Variants in PEPD observed in about 807,000 individuals in gnomAD.
PEPD encodes xaa-Pro dipeptidase.
PEPD carries 53 observed loss-of-function variants against 60.7 expected under a neutral mutation model. The observed-to-expected ratio is 0.87, with a 90% CI of 0.70 to 1.10. The LOEUF is 1.10. PEPD is among the 50% of genes least tolerant of loss of function. PEPD has a pLI of 0.00. For synonymous variants in PEPD, 267 were observed against 284.1 expected, an observed-to-expected ratio of 0.94 and a Z score of 0.60; for missense variants, 711 against 711.9, an observed-to-expected ratio of 1.00 and a Z score of 0.01.
Position 33,392,302 on chromosome 19 carries a change from G to A in PEPD, c.968-823C>T, listed in dbSNP as rs116147899. On this transcript the variant is annotated intron_variant, in intron 12 of 14. Transcript: ENST00000244137. The stretch of plus-strand genomic sequence containing the variant: ...TCTGGAGCATGGCCGCTAGGAAGGA[G>A]GCCCTTAGAGAGCTCTCCACGTAGA... Among the ~76,000 whole-genome samples the A allele has an allele frequency of 1.7e-3, 261 of 152,350 alleles. 1 individual carries two copies. Among genetic ancestry groups the A allele is most frequent in the African/African-American group, 6.0e-3 (249 of 41,596 alleles).
At chr19:33,510,952 T>A in intron 3 of PEPD, 76 bp downstream of exon 3, 2 of 1,470,586 alleles carry the variant, frequency 1.4e-6, no homozygotes, top group Non-Finnish European at 9.3e-7. Context: ...CCAACCCAGC[T>A]CTCTCATCCC....
chr19:33,509,457 C>T (rs966646198), intron 3 of PEPD, among the ~76,000 whole-genome samples: 1 of 152,234 alleles, frequency 6.6e-6, no homozygotes, highest in Non-Finnish European at 1.5e-5. Flanking sequence ...AGCCTGAACC[C>T]CTCTCCCTGA....
At position 33,413,651 on chromosome 19, in the gene PEPD, G is replaced by C. The variant is rs1428759678; in HGVS notation, c.672-8C>G. 1 of 1,567,184 alleles carries C rather than the reference G, an allele frequency of 6.4e-7. No individual in the cohort carries two copies. The highest frequency in any genetic ancestry group is 8.7e-7 in the Non-Finnish European group (1 of 1,151,060). On this transcript the variant is annotated splice_polypyrimidine_tract_variant and splice_region_variant and intron_variant, in intron 9 of 14. Coordinates refer to ENST00000244137, the MANE Select transcript of PEPD (RefSeq NM_000285.4). Reference sequence around the variant, plus strand: ...CAGTAGTGCTCGAAGAGGCTGCAGGGGGAGAGACGCGTCAGGGTTGGGGCA... The same window carrying C: ...CAGTAGTGCTCGAAGAGGCTGCAGGCGGAGAGACGCGTCAGGGTTGGGGCA...
chr19:33,501,733 C>T (rs754710771), intron 3 of PEPD, among the ~76,000 whole-genome samples: 4 of 151,958 alleles, frequency 2.6e-5, no homozygotes, highest in Non-Finnish European at 5.9e-5. Flanking sequence ...GACAGCATCT[C>T]GTTCTGTCAC....
At chr19:33,460,379 C>T (rs1488531144) in intron 9 of PEPD, among the ~76,000 whole-genome samples, 1 of 152,170 alleles carries the variant, frequency 6.6e-6, no homozygotes, top group Non-Finnish European at 1.5e-5. Flanking sequence ...TGTCAGCCCA[C>T]CTCCCTGGCT....
chr19:33,492,373 T>C (rs535930060), intron 5 of PEPD, among the ~76,000 whole-genome samples: 98 of 152,286 alleles, frequency 6.4e-4, no homozygotes, highest in African/African-American at 2.3e-3. Flanking sequence ...GAATAAACTT[T>C]CTTTTTTCCT....
At chr19:33,470,146 C>G (rs180903459) in intron 7 of PEPD, among the ~76,000 whole-genome samples, 25 of 152,270 alleles carry the variant, frequency 1.6e-4, no homozygotes, top group Admixed American at 3.3e-4. Context: ...GCCACTCCCC[C>G]TCCACGACCT....
chr19:33,422,238 C>T (rs910584824), intron 9 of PEPD, among the ~76,000 whole-genome samples: 2 of 152,126 alleles, frequency 1.3e-5, no homozygotes, highest in African/African-American at 4.8e-5. Flanking sequence ...GGTCTCTCCT[C>T]CCCTTCACAG....
chr19:33,469,732 C>T (rs1225509351), intron 7 of PEPD, among the ~76,000 whole-genome samples: 3 of 152,116 alleles, frequency 2.0e-5, no homozygotes, highest in African/African-American at 7.2e-5. Flanking sequence ...TCCTTCTCCT[C>T]TTCCAGTCAA....
At chr19:33,507,428 G>T (rs1970834393) in intron 3 of PEPD, among the ~76,000 whole-genome samples, 1 of 152,150 alleles carries the variant, frequency 6.6e-6, no homozygotes. Flanking sequence ...CCCAGAACAG[G>T]CCTGGGGTGA....
At chr19:33,475,298 C>T (rs1446428681) in intron 7 of PEPD, among the ~76,000 whole-genome samples, 3 of 151,828 alleles carry the variant, frequency 2.0e-5, no homozygotes, top group East Asian at 1.9e-4. Flanking sequence ...GTCCCTGAGT[C>T]GTAATCTAAC....
chr19:33,513,255 T>G (rs767006888), intron 1 of PEPD, among the ~76,000 whole-genome samples: 3 of 152,106 alleles, frequency 2.0e-5, no homozygotes, highest in African/African-American at 2.4e-5. Flanking sequence ...CTTCCCTAAC[T>G]GGCTCCCTCC....
intron 13 of PEPD, among the ~76,000 whole-genome samples, 194 bp downstream of exon 13, chr19:33,391,101 C>G (rs563607578): frequency 1.8e-4 from 27 of 152,282 alleles, no homozygotes; most frequent in African/African-American, 5.5e-4. Context: ...GGAATGCTCA[C>G]AGATGCACCC....
intron 3 of PEPD, among the ~76,000 whole-genome samples, chr19:33,503,962 C>T (rs1970756222): frequency 6.6e-6 from 1 of 152,156 alleles, no homozygotes; most frequent in Non-Finnish European, 1.5e-5. Context: ...AGGGAAGCCA[C>T]CAGGAAATGC....
intron 10 of PEPD, among the ~76,000 whole-genome samples, chr19:33,412,760 G>A (rs562836381): frequency 1.3e-5 from 2 of 152,218 alleles, no homozygotes; most frequent in Non-Finnish European, 2.9e-5. Flanking sequence ...CCGGGGACGT[G>A]CGCATTGGCA....
intron 7 of PEPD, among the ~76,000 whole-genome samples, chr19:33,473,113 TG>T (rs1970154905): frequency 6.6e-6 from 1 of 152,160 alleles, no homozygotes; most frequent in South Asian, 2.1e-4. Flanking sequence ...GACCAGGGCC[TG>T]GCCACGCCTT....
chr19:33,421,732 C>T (rs1182148334), intron 9 of PEPD, among the ~76,000 whole-genome samples: 2 of 152,052 alleles, frequency 1.3e-5, no homozygotes, highest in South Asian at 2.1e-4. Context: ...TGGGCTCAAG[C>T]GATCCTCCCA....
chr19:33,459,141 G>C (rs1046086404), intron 9 of PEPD, among the ~76,000 whole-genome samples: 1 of 152,162 alleles, frequency 6.6e-6, no homozygotes, highest in East Asian at 1.9e-4. Flanking sequence ...CAGGCCTGTG[G>C]AGAAGGGTCT....
chr19:33,468,467 C>G (rs551176313), intron 7 of PEPD, among the ~76,000 whole-genome samples: 1 of 152,358 alleles, frequency 6.6e-6, no homozygotes, highest in South Asian at 2.1e-4. Context: ...AAGAGCCCAC[C>G]TGAGCTGGCC....
Sources: allele counts gnomAD v4.1 joint callset (sites outside exome capture counted in the v4.1 genomes callset), GRCh38; gene constraint gnomAD v4.1.1; transcripts MANE v1.5; gene names NCBI Gene and HGNC (gene_info 2026-07-23, HGNC 2026-07-21).